The following COL14A1 variants were observed in gnomAD, a reference collection of about 807,000 sequenced individuals.
COL14A1 encodes the protein collagen type XIV alpha 1 chain.
A neutral mutation model predicts 230.3 loss-of-function variants in COL14A1; 136 were observed. The observed-to-expected ratio is 0.59, with a 90% CI of 0.51 to 0.68. COL14A1 has a LOEUF of 0.68. COL14A1 is among the 30% of genes least tolerant of loss of function. The pLI is 0.00. For synonymous variants in COL14A1, 792 were observed against 784.1 expected, an observed-to-expected ratio of 1.01 and a Z score of -0.17; for missense variants, 1,976 against 2,215.8, an observed-to-expected ratio of 0.89 and a Z score of 2.17.
chr8:120,318,928 T>C (rs571839627), intron 40 of COL14A1, among the ~76,000 whole-genome samples: 1 of 152,254 alleles, frequency 6.6e-6, no homozygotes, highest in Admixed American at 6.5e-5. Flanking sequence ...CTGAAGTCAC[T>C]TAACGTTACT....
At chr8:120,278,939 G>A (rs1001452061) in intron 28 of COL14A1, among the ~76,000 whole-genome samples, 5 of 151,998 alleles carry the variant, frequency 3.3e-5, no homozygotes, top group Non-Finnish European at 7.4e-5. Flanking sequence ...AGAAAATGTG[G>A]CACATATAAG....
chr8:120,370,479 C>CT, intron 47 of COL14A1: 1 of 1,515,942 alleles, frequency 6.6e-7, no homozygotes, highest in East Asian at 2.4e-5. Context: ...AATGGACACT[C>CT]TGCTTCCCTG....
chr8:120,193,645 C>G (rs1489257143), intron 5 of COL14A1, among the ~76,000 whole-genome samples: 2 of 152,168 alleles, frequency 1.3e-5, no homozygotes, highest in African/African-American at 2.4e-5. Context: ...GTGCCCTGCC[C>G]CCAGAGGTGG....
rs1184376060 is a variant in COL14A1, at chr8:120,262,752, G to A, written c.2870-116G>A. On this transcript the variant is annotated intron_variant, in intron 23 of 47. Coordinates refer to ENST00000297848, the MANE Select transcript of COL14A1 (RefSeq NM_021110.4). ...CTTCAAACAAATATAACTCATTCTGGAGTTATCTGATGTGGGCTAACATGT... is the reference window on the plus strand; with the variant it reads ...CTTCAAACAAATATAACTCATTCTGAAGTTATCTGATGTGGGCTAACATGT... 8 of 905,012 alleles carry A rather than the reference G, an allele frequency of 8.8e-6. No individual in the cohort carries two copies. In the African/African-American group the frequency reaches 1.4e-4, roughly 15 times the overall value. 56.1% of individuals were successfully genotyped at this position (905,012 alleles called of 1,614,324 possible). A position where few individuals can be genotyped will look rare whatever the true frequency, so the allele number is the denominator to read the frequency against.
At chr8:120,266,742 C>A (rs780158934) in intron 24 of COL14A1, 85 bp from the exon 25 acceptor site, 10 of 1,078,076 alleles carry the variant, frequency 9.3e-6, no homozygotes, top group African/African-American at 3.2e-5. Context: ...CATTGACTAC[C>A]CTGAATATTT....
At chr8:120,286,392 A>C (rs1820203337) in intron 33 of COL14A1, among the ~76,000 whole-genome samples, 1 of 152,216 alleles carries the variant, frequency 6.6e-6, no homozygotes. Flanking sequence ...AACTGATTGC[A>C]CCAATACTTT....
chr8:120,295,067 A>G (rs555284292), intron 34 of COL14A1, among the ~76,000 whole-genome samples: 5 of 151,974 alleles, frequency 3.3e-5, no homozygotes, highest in East Asian at 1.9e-4. Flanking sequence ...GGCTTGTGAA[A>G]GGCCTTTGCT....
intron 43 of COL14A1, among the ~76,000 whole-genome samples, chr8:120,342,010 C>G (rs1239557826): frequency 6.6e-6 from 1 of 152,174 alleles, no homozygotes; most frequent in Non-Finnish European, 1.5e-5. Context: ...CATCTTTCCT[C>G]TGGGTTGCTA....
At position 120,198,386 on chromosome 8, in the gene COL14A1, A is replaced by G. The variant is rs147271123; in HGVS notation, c.712+456A>G. 3.6e-3 allele frequency among the ~76,000 whole-genome samples: 553 copies of G among 152,286 alleles called. 2 individuals are homozygous for G. The highest frequency in any genetic ancestry group is 0.012 in the African/African-American group (516 of 41,570). ...TAAAAAGTCAAGATCCTCTCTTTTC[A>G]TAATAATAATATGGATCTTTGGCTC... On this transcript the variant is annotated intron_variant, in intron 7 of 47. Transcript: ENST00000297848.
intron 33 of COL14A1, 119 bp downstream of exon 33, chr8:120,286,089 GT>G: frequency 3.1e-6 from 2 of 655,228 alleles, no homozygotes; most frequent in Non-Finnish European, 5.4e-6. Context: ...AATTTCCTTT[GT>G]GCTTGTTAAC....
intron 23 of COL14A1, among the ~76,000 whole-genome samples, chr8:120,260,720 C>CA (rs1819295936): frequency 6.6e-6 from 1 of 152,142 alleles, no homozygotes; most frequent in Non-Finnish European, 1.5e-5. Context: ...AACAACAATG[C>CA]TCTGTGCCTA....
At chr8:120,364,912 GA>G (rs1222078239) in intron 45 of COL14A1, among the ~76,000 whole-genome samples, 4 of 150,990 alleles carry the variant, frequency 2.6e-5, no homozygotes, top group Non-Finnish European at 4.4e-5. Flanking sequence ...AGAAAAGAAA[GA>G]AAAAAAGAAT....
chr8:120,254,325 T>A (rs578262001), intron 22 of COL14A1, among the ~76,000 whole-genome samples: 25 of 152,326 alleles, frequency 1.6e-4, no homozygotes, highest in Middle Eastern at 3.4e-3. Flanking sequence ...TCACAATGTC[T>A]AAGATTAATA....
In COL14A1 at chr8:120,270,048, C is replaced by A. The variant is rs200828037; in HGVS notation, c.3087C>A (p.Ala1029=). Residue 1029 remains alanine (A), a synonymous_variant, in exon 26 of 48, where the codon GCC becomes GCA. Transcript: ENST00000297848. ...IPPAKEVCKA[A]KADLVFMVDG... is the part of the protein sequence containing the mutation. ...GTTGGTCTTCAGTATGTAAGGCGGCCAAGGCTGACCTGGTATTTATGGTGG... is the reference window on the plus strand; with the variant it reads ...GTTGGTCTTCAGTATGTAAGGCGGCAAAGGCTGACCTGGTATTTATGGTGG... 2.5e-6 allele frequency: 4 copies of A among 1,611,064 alleles called. No individual in the cohort carries two copies. In the East Asian group the frequency reaches 8.9e-5, roughly 36 times the overall value.
intron 14 of COL14A1, among the ~76,000 whole-genome samples, chr8:120,224,208 G>A (rs149250119): frequency 1.5e-3 from 225 of 151,832 alleles, no homozygotes; most frequent in African/African-American, 5.1e-3. Context: ...TGTATTTTTA[G>A]TACAGATGGG....
intron 7 of COL14A1, among the ~76,000 whole-genome samples, chr8:120,198,508 A>G (rs577792597): frequency 1.3e-5 from 2 of 152,172 alleles, no homozygotes; most frequent in African/African-American, 4.8e-5. Context: ...ACCTTGAGAC[A>G]TGCTGCAAGC....
intron 5 of COL14A1, among the ~76,000 whole-genome samples, chr8:120,194,131 G>A (rs1174287701): frequency 6.6e-6 from 1 of 152,180 alleles, no homozygotes; most frequent in East Asian, 1.9e-4. Flanking sequence ...GAAATCACCT[G>A]TCTTCTGCGT....
intron 1 of COL14A1, among the ~76,000 whole-genome samples, chr8:120,134,801 C>A (rs1814654183): frequency 6.6e-6 from 1 of 152,022 alleles, no homozygotes; most frequent in Non-Finnish European, 1.5e-5. Context: ...ATGGCGAAAC[C>A]CTGTCTCTAC....
chr8:120,147,960 T>G (rs1425363531), intron 2 of COL14A1, 30 bp downstream of exon 2: 13 of 1,429,984 alleles, frequency 9.1e-6, no homozygotes, highest in Non-Finnish European at 1.3e-5. Flanking sequence ...ATCAGTAGGG[T>G]CTGGGACTCT....
Sources: allele counts gnomAD v4.1 joint callset (sites outside exome capture counted in the v4.1 genomes callset), GRCh38; gene constraint gnomAD v4.1.1; transcripts MANE v1.5; gene names NCBI Gene and HGNC (gene_info 2026-07-23, HGNC 2026-07-21).